Variants in SNX29 observed in about 807,000 individuals in gnomAD.
SNX29 encodes the protein sorting nexin 29.
A neutral mutation model predicts 102.1 loss-of-function variants in SNX29; 78 were observed. The ratio of observed to expected loss-of-function variants is 0.76; its 90% confidence interval spans 0.64 to 0.92. The LOEUF is 0.92. Among genes scored for constraint, SNX29 ranks in the 40% least tolerant of loss-of-function variants. The probability of loss-of-function intolerance (pLI) is 0.00; values close to 1 mark genes in which losing one functional copy is unlikely to be tolerated. For synonymous variants in SNX29, 580 were observed against 414.5 expected (o/e 1.40, Z -4.85); for missense variants, 1,280 against 1,061.7 (o/e 1.21, Z -2.86).
At chr16:12,568,170 A>G (rs1276180453) in intron 20 of SNX29, among the ~76,000 whole-genome samples, 6 of 152,196 alleles carry the variant, frequency 3.9e-5, no homozygotes. Context: ...CTTTGCTGGA[A>G]AATCAAGGAA....
intron 19 of SNX29, among the ~76,000 whole-genome samples, chr16:12,517,586 G>A (rs1162710599): frequency 6.6e-6 from 1 of 152,156 alleles, no homozygotes; most frequent in Non-Finnish European, 1.5e-5. Flanking sequence ...ACAGGTATTT[G>A]TTCTCTCAAC....
intron 16 of SNX29, among the ~76,000 whole-genome samples, chr16:12,393,381 GATTCATTCATTCATGCATGCATGCATGC>G (rs1373377483): frequency 7.2e-6 from 1 of 138,114 alleles, no homozygotes; most frequent in Non-Finnish European, 1.6e-5. Context: ...CATATCTTAT[GATTCATTCATTCATGCATGCATGCATGC>G]ATGCATTCAT....
At chr16:12,241,913 G>A (rs1408290959) in intron 14 of SNX29, among the ~76,000 whole-genome samples, 2 of 152,154 alleles carry the variant, frequency 1.3e-5, no homozygotes, top group African/African-American at 4.8e-5. Context: ...TGTGGAAAGG[G>A]GGCTCCTGCC....
chr16:12,107,662 AGAG>A (rs2053320929), intron 11 of SNX29, among the ~76,000 whole-genome samples: 1 of 152,142 alleles, frequency 6.6e-6, no homozygotes, highest in Non-Finnish European at 1.5e-5. Flanking sequence ...AACAAAAAAA[AGAG>A]GAGTTGCTGG....
Position 12,054,004 on chromosome 16 carries a change from G to A in SNX29, c.1124+1782G>A, listed in dbSNP as rs1340325277. ...TTTTTTTGAGACAGAGTCTTGCTCTGTCGCCCAGGCTGGGGTGCAGTGGCG... is the reference window on the plus strand; with the variant it reads ...TTTTTTTGAGACAGAGTCTTGCTCTATCGCCCAGGCTGGGGTGCAGTGGCG... On this transcript the variant is annotated intron_variant, in intron 8 of 20. Transcript: ENST00000566228. Among the ~76,000 whole-genome samples the A allele has an allele frequency of 3.4e-5, 5 of 146,844 alleles. No homozygotes were observed. The Admixed American group carries it at 3.5e-4, about 10-fold the overall frequency.
At position 12,568,587 on chromosome 16, in the gene SNX29, C is replaced by T. The variant is rs1489875275; in HGVS notation, c.2400C>T (p.Pro800=). ...TCCCCAAACTGTCCCGGGGTCAGCC[C>T]CGGGAGACCCGCAACGTGGAGCCCC... ...SRFPKLSRGQ[P]RETRNVEPQS... The change falls in exon 21 of 21, where the codon CCC becomes CCT. Residue 800 remains proline, a synonymous_variant. Transcript: ENST00000566228. The T allele has an allele frequency of 2.5e-6, 4 of 1,606,580 alleles. No individual in the cohort carries two copies. The highest frequency in any genetic ancestry group is 2.2e-5 in the East Asian group (1 of 44,874).
At chr16:12,423,410 C>T (rs12931371) in intron 18 of SNX29, among the ~76,000 whole-genome samples, 50,622 of 151,948 alleles carry the variant, frequency 0.33, 10,229 homozygotes, top group Non-Finnish European at 0.45. Flanking sequence ...AAGCTGCAGC[C>T]GGCATCACTC....
chr16:12,190,050 A>G (rs1235316076), intron 13 of SNX29, among the ~76,000 whole-genome samples: 1 of 152,138 alleles, frequency 6.6e-6, no homozygotes, highest in Non-Finnish European at 1.5e-5. Context: ...TCCCCTTGTA[A>G]GTTAACTAAT....
At chr16:12,555,978 A>G (rs1436809398) in intron 20 of SNX29, among the ~76,000 whole-genome samples, 3 of 145,906 alleles carry the variant, frequency 2.1e-5, no homozygotes, top group African/African-American at 5.0e-5. Flanking sequence ...GTGGCTTTCA[A>G]TTTTCAAGTG....
intron 14 of SNX29, among the ~76,000 whole-genome samples, chr16:12,242,579 T>TTTCTTCTTCTCTTCTTCTTCTC (rs1201913775): frequency 7.4e-5 from 11 of 149,640 alleles, no homozygotes; most frequent in Non-Finnish European, 1.2e-4. Context: ...TTCTTCTTCT[T>TTTCTTCTTCTCTTCTTCTTCTC]TTCTTCTTCT....
chr16:12,536,005 C>T (rs1053610184), intron 20 of SNX29, among the ~76,000 whole-genome samples: 2 of 152,166 alleles, frequency 1.3e-5, no homozygotes, highest in African/African-American at 4.8e-5. Flanking sequence ...CTGTTCGACA[C>T]GCACTCGGAG....
chr16:12,013,542 T>TATATATAGAGAGAGAGAGAGAGAG (rs1382498593), intron 3 of SNX29, among the ~76,000 whole-genome samples: 1 of 109,074 alleles, frequency 9.2e-6, no homozygotes, highest in African/African-American at 3.5e-5. Flanking sequence ...TATATATATA[T>TATATATAGAGAGAGAGAGAGAGAG]CGAGAGAGGA....
At chr16:12,024,016 G>T (rs78391244) in intron 3 of SNX29, among the ~76,000 whole-genome samples, 1,597 of 152,294 alleles carry the variant, frequency 0.01, 106 homozygotes, top group Admixed American at 0.087. Flanking sequence ...GTTAGCAAGA[G>T]CAGGCAGCCC....
At chr16:12,297,310 G>A (rs1052600731) in intron 15 of SNX29, 1 of 152,308 alleles carries the variant, frequency 6.6e-6, no homozygotes, top group Admixed American at 6.5e-5. Context: ...GCCTGGGAGT[G>A]ATTTTCAAGT....
intron 19 of SNX29, among the ~76,000 whole-genome samples, chr16:12,523,249 G>C (rs912069861): frequency 6.6e-6 from 1 of 152,220 alleles, no homozygotes; most frequent in Non-Finnish European, 1.5e-5. Flanking sequence ...TGCCCCACCT[G>C]ATGTATGGGG....
intron 13 of SNX29, among the ~76,000 whole-genome samples, chr16:12,140,935 TA>T (rs1282731659): frequency 6.6e-6 from 1 of 152,204 alleles, no homozygotes; most frequent in Non-Finnish European, 1.5e-5. Context: ...ACAAGTAATT[TA>T]AAAAATCAGT....
chr16:12,571,167 G>T lies in SNX29; in HGVS notation c.*2538G>T, dbSNP rs1024121786. 3.0e-5 allele frequency: 7 copies of T among 232,452 alleles called. No individual in the cohort carries two copies. The highest frequency in any genetic ancestry group is 2.8e-4 in the Admixed American group (5 of 17,764). The allele number at this position is 232,452 out of a possible 1,614,324, so 14.4% of individuals were successfully genotyped here. On this transcript the variant is annotated 3_prime_UTR_variant, in exon 21 of 21. Coordinates refer to ENST00000566228, the MANE Select transcript of SNX29 (RefSeq NM_032167.5). ...TTGCTGCTCAGAAGAATCCCGTCCT[G>T]CTCTCTAGTGTGGTGGGATGAACTT...
At chr16:12,277,140 C>A (rs1311987466) in intron 14 of SNX29, among the ~76,000 whole-genome samples, 1 of 152,124 alleles carries the variant, frequency 6.6e-6, no homozygotes, top group Non-Finnish European at 1.5e-5. Context: ...GTAGTCTCAG[C>A]ACTTTGGGAA....
intron 15 of SNX29, among the ~76,000 whole-genome samples, chr16:12,347,883 G>A (rs1409379634): frequency 6.8e-6 from 1 of 146,448 alleles, no homozygotes; most frequent in Non-Finnish European, 1.5e-5. Context: ...TTCAAGACCA[G>A]CCTGAGAAAC....
Sources: allele counts gnomAD v4.1 joint callset (sites outside exome capture counted in the v4.1 genomes callset), GRCh38; gene constraint gnomAD v4.1.1; transcripts MANE v1.5; gene names NCBI Gene and HGNC (gene_info 2026-07-23, HGNC 2026-07-21).